Variants in TMPRSS11A observed in about 807,000 individuals in gnomAD.
TMPRSS11A encodes transmembrane serine protease 11A, also known as transmembrane protease serine 11A.
In TMPRSS11A, 53 loss-of-function variants were observed where a neutral mutation model predicts 58.9. That is an observed-to-expected ratio of 0.90 (90% CI 0.72 to 1.13). The LOEUF (loss-of-function observed/expected upper bound fraction) is 1.13, where lower values mean the gene tolerates loss of function less well. TMPRSS11A is among the 50% of genes most tolerant of loss of function. TMPRSS11A has a pLI of 0.00. For missense variants in TMPRSS11A, 493 were observed against 499.3 expected, an observed-to-expected ratio of 0.99 and a Z score of 0.12; for synonymous variants, 167 against 169.8, an observed-to-expected ratio of 0.98 and a Z score of 0.13.
intron 1 of TMPRSS11A, 36 bp downstream of exon 1, chr4:67,963,347 T>C: frequency 6.2e-7 from 1 of 1,612,550 alleles, no homozygotes; most frequent in Non-Finnish European, 8.5e-7. Flanking sequence ...AGACAGTACA[T>C]CAAACAAGCC....
At chr4:67,960,924 G>A (rs370654872) in intron 1 of TMPRSS11A, among the ~76,000 whole-genome samples, 2 of 152,218 alleles carry the variant, frequency 1.3e-5, no homozygotes, top group Admixed American at 1.3e-4. Context: ...AACAGGATAA[G>A]AATCTCACCT....
intron 1 of TMPRSS11A, among the ~76,000 whole-genome samples, chr4:67,957,372 A>G (rs914956838): frequency 6.6e-6 from 1 of 152,184 alleles, no homozygotes; most frequent in East Asian, 1.9e-4. Context: ...CCTGATAGTG[A>G]TCTAGACATG....
Position 67,950,177 on chromosome 4 carries a change from T to C in TMPRSS11A, c.12-3606A>G, listed in dbSNP as rs530422023. On this transcript the variant is annotated intron_variant, in intron 1 of 9. Transcript: ENST00000508048. ...TGCTCAGGATCTCACATGGCTGAAA[T>C]CAAGGCTTTGATTGGGCCTGCTTTC... is the stretch of plus-strand genomic sequence containing the variant. Among the ~76,000 whole-genome samples the C allele has an allele frequency of 2.0e-3, 302 of 152,300 alleles. 2 individuals are homozygous for C. The highest frequency in any genetic ancestry group is 3.4e-3 in the Middle Eastern group (1 of 294).
At chr4:67,922,175 C>G (rs1175463403) in intron 7 of TMPRSS11A, among the ~76,000 whole-genome samples, 1 of 152,120 alleles carries the variant, frequency 6.6e-6, no homozygotes, top group Non-Finnish European at 1.5e-5. Flanking sequence ...TTTGATACTC[C>G]GAGGAATCTC....
At chr4:67,951,268 T>C (rs1721150920) in intron 1 of TMPRSS11A, among the ~76,000 whole-genome samples, 1 of 152,214 alleles carries the variant, frequency 6.6e-6, no homozygotes, top group African/African-American at 2.4e-5. Flanking sequence ...ATTTGAATAA[T>C]TTCATGACTT....
intron 1 of TMPRSS11A, among the ~76,000 whole-genome samples, chr4:67,954,547 C>T (rs925829436): frequency 2.0e-5 from 3 of 152,190 alleles, no homozygotes; most frequent in African/African-American, 7.2e-5. Context: ...CATTTAACTC[C>T]CTCTCACCTT....
chr4:67,936,899 C>G (rs988303847), intron 3 of TMPRSS11A, among the ~76,000 whole-genome samples: 5 of 152,104 alleles, frequency 3.3e-5, no homozygotes, highest in Non-Finnish European at 5.9e-5. Flanking sequence ...AGGAAAATAT[C>G]TCATTTGGAT....
chr4:67,962,206 T>C (rs748541153), intron 1 of TMPRSS11A, among the ~76,000 whole-genome samples: 4 of 152,194 alleles, frequency 2.6e-5, no homozygotes, highest in Admixed American at 6.5e-5. Flanking sequence ...CTGGTTATGT[T>C]TGAAGCATTG....
chr4:67,922,686 T>C, intron 7 of TMPRSS11A, 69 bp downstream of exon 7: 1 of 1,450,582 alleles, frequency 6.9e-7, no homozygotes, highest in East Asian at 2.3e-5. Context: ...CATTAATTGT[T>C]ACCAAGAATA....
intron 1 of TMPRSS11A, 77 bp downstream of exon 1, chr4:67,963,306 C>T (rs914403668): frequency 2.7e-6 from 4 of 1,492,220 alleles, no homozygotes; most frequent in East Asian, 4.6e-5. Context: ...CACTAGCAGT[C>T]CTCTTACACA....
Position 67,922,741 on chromosome 4 carries a change from G to C in TMPRSS11A, c.692+14C>G. On this transcript the variant is annotated intron_variant, in intron 7 of 9. Coordinates refer to ENST00000508048, the MANE Select transcript of TMPRSS11A (RefSeq NM_001114387.2). Reference sequence around the variant, plus strand: ...TTAGCAGAAGTGGGTTCTAACTTAAGGTCAATAACTTACTTCTGGAAGCAG... The same window carrying C: ...TTAGCAGAAGTGGGTTCTAACTTAACGTCAATAACTTACTTCTGGAAGCAG... 6.2e-7 allele frequency: 1 copy of C among 1,610,196 alleles called. No homozygotes were observed. The highest frequency in any genetic ancestry group is 8.5e-7 in the Non-Finnish European group (1 of 1,176,988).
chr4:67,916,786 C>T (rs1296377326), intron 8 of TMPRSS11A, among the ~76,000 whole-genome samples: 1 of 151,946 alleles, frequency 6.6e-6, no homozygotes, highest in Non-Finnish European at 1.5e-5. Context: ...GAGATCACGC[C>T]ACTGCACTCC....
intron 1 of TMPRSS11A, among the ~76,000 whole-genome samples, chr4:67,948,360 G>A (rs1721077578): frequency 6.6e-6 from 1 of 151,836 alleles, no homozygotes; most frequent in Non-Finnish European, 1.5e-5. Flanking sequence ...GGGTTTCATG[G>A]TGTTAGCCAG....
intron 1 of TMPRSS11A, among the ~76,000 whole-genome samples, chr4:67,960,132 A>T (rs576605961): frequency 6.6e-6 from 1 of 152,138 alleles, no homozygotes; most frequent in Non-Finnish European, 1.5e-5. Flanking sequence ...AGACATAAAC[A>T]CGGGAATAAT....
intron 3 of TMPRSS11A, 103 bp downstream of exon 3, chr4:67,944,416 A>G (rs952412297): frequency 2.2e-6 from 3 of 1,342,166 alleles, no homozygotes; most frequent in African/African-American, 1.5e-5. Context: ...GATGATTCTA[A>G]TGTTGGCGGT....
chr4:67,944,091 G>A (rs532796691), intron 3 of TMPRSS11A, among the ~76,000 whole-genome samples: 4 of 152,172 alleles, frequency 2.6e-5, no homozygotes, highest in South Asian at 2.1e-4. Context: ...ATACTTACAA[G>A]ATGAACGTAA....
rs1231379512 is a variant in TMPRSS11A at position 67,910,739 on chromosome 4, TAG to T, written c.*601_*602del. 6.6e-6 allele frequency: 1 copy of T among 151,978 alleles called. No individual in the cohort carries two copies. The highest frequency in any genetic ancestry group is 2.4e-5 in the African/African-American group (1 of 41,424). 9.4% of individuals were successfully genotyped at this position (151,978 alleles called of 1,614,324 possible). On this transcript the variant is annotated 3_prime_UTR_variant, in exon 10 of 10. Transcript: ENST00000508048. ...TGTGTGTAGAAAAGTCACCAAAAATTAGAGGTTTTATAACTAAAAAAAGTTAG... is the reference window on the plus strand; with the variant it reads ...TGTGTGTAGAAAAGTCACCAAAAATTAGGTTTTATAACTAAAAAAAGTTAG...
intron 3 of TMPRSS11A, among the ~76,000 whole-genome samples, chr4:67,938,507 C>A (rs1334103565): frequency 6.6e-6 from 1 of 152,002 alleles, no homozygotes; most frequent in Non-Finnish European, 1.5e-5. Flanking sequence ...ACAGTATTTC[C>A]TAGGTTTTCT....
At chr4:67,926,070 C>T (rs966921828) in intron 5 of TMPRSS11A, among the ~76,000 whole-genome samples, 1 of 152,180 alleles carries the variant, frequency 6.6e-6, no homozygotes, top group African/African-American at 2.4e-5. Flanking sequence ...ATATTCAGGG[C>T]TCTATAGACT....
Sources: gnomAD v4.1 joint callset for allele counts (sites outside exome capture counted in the v4.1 genomes callset) on GRCh38, gnomAD v4.1.1 for gene constraint, MANE v1.5 for transcripts, NCBI Gene and HGNC (gene_info 2026-07-23, HGNC 2026-07-21) for gene names.